CNTNAP2: variants seen among roughly 807,000 people sequenced by gnomAD.
CNTNAP2 encodes contactin-associated protein-like 2.
Under a neutral mutation model 155.2 loss-of-function variants are expected in CNTNAP2, and 98 were observed. That is an observed-to-expected ratio of 0.63 (90% CI 0.54 to 0.75). CNTNAP2 has a LOEUF of 0.75. CNTNAP2 is among the 30% of genes least tolerant of loss of function. The pLI, the probability that CNTNAP2 is intolerant of heterozygous loss-of-function variation, is 0.00. For synonymous variants in CNTNAP2, 651 were observed against 631.2 expected, an observed-to-expected ratio of 1.03 and a Z score of -0.47; for missense variants, 1,727 against 1,688.1, an observed-to-expected ratio of 1.02 and a Z score of -0.40.
chr7:147,549,404 C>A (rs1199433707), intron 11 of CNTNAP2, among the ~76,000 whole-genome samples: 1 of 152,056 alleles, frequency 6.6e-6, no homozygotes, highest in Non-Finnish European at 1.5e-5. Context: ...CTCTGCTTAC[C>A]TATTGTTGGT....
intron 3 of CNTNAP2, among the ~76,000 whole-genome samples, chr7:146,991,718 C>A (rs1202603187): frequency 6.6e-6 from 1 of 152,012 alleles, no homozygotes; most frequent in Non-Finnish European, 1.5e-5. Context: ...CTCGTGGAAA[C>A]AATTGGGCAC....
rs981877642 is a variant in CNTNAP2, at chr7:148,208,120, G to A, written c.3011-9168G>A. 3.0e-4 allele frequency among the ~76,000 whole-genome samples: 45 copies of A among 151,376 alleles called. 1 individual carries two copies. The highest frequency in any genetic ancestry group is 2.4e-3 in the Admixed American group (37 of 15,192). ...AAAAAAAAAAGAGGTCATCACAGGT[G>A]CCAAAGTGAAACCCAAGTGCCTGAA... On this transcript the variant is annotated intron_variant, in intron 18 of 23. Transcript: ENST00000361727.
chr7:146,324,522 A>C (rs73463995), intron 1 of CNTNAP2, among the ~76,000 whole-genome samples: 6,383 of 152,248 alleles, frequency 0.042, 433 homozygotes, highest in African/African-American at 0.14. Context: ...TAGACGTAGT[A>C]GAAATACTTA....
chr7:147,727,441 G>C (rs960765579), intron 13 of CNTNAP2, among the ~76,000 whole-genome samples: 6 of 151,970 alleles, frequency 3.9e-5, no homozygotes, highest in Non-Finnish European at 8.8e-5. Flanking sequence ...TTAACTATCA[G>C]TTGTATAATT....
chr7:146,614,868 A>G (rs1404866863), intron 1 of CNTNAP2, among the ~76,000 whole-genome samples: 1 of 152,172 alleles, frequency 6.6e-6, no homozygotes, highest in Non-Finnish European at 1.5e-5. Flanking sequence ...TGGATACAAA[A>G]GTGGATTATT....
chr7:146,143,689 C>A (rs1028148040), intron 1 of CNTNAP2, among the ~76,000 whole-genome samples: 10 of 152,086 alleles, frequency 6.6e-5, no homozygotes, highest in African/African-American at 2.4e-4. Flanking sequence ...CTGAAATAAT[C>A]TGTGTAATGA....
chr7:147,977,706 T>C (rs191370217), intron 14 of CNTNAP2, among the ~76,000 whole-genome samples, 156 bp from the exon 15 acceptor site: 8 of 152,298 alleles, frequency 5.3e-5, no homozygotes, highest in African/African-American at 1.4e-4. Flanking sequence ...AGACCACCTA[T>C]GGAAGAGAGA....
At chr7:147,390,268 A>G (rs1350227197) in intron 9 of CNTNAP2, among the ~76,000 whole-genome samples, 1 of 152,126 alleles carries the variant, frequency 6.6e-6, no homozygotes, top group Non-Finnish European at 1.5e-5. Flanking sequence ...CTAATTATTA[A>G]AACTGATTTG....
chr7:148,257,465 G>T (rs374288951), intron 20 of CNTNAP2, among the ~76,000 whole-genome samples: 123 of 152,230 alleles, frequency 8.1e-4, no homozygotes, highest in African/African-American at 2.5e-3. Flanking sequence ...TTTATGAGTA[G>T]CTCAACCAAA....
intron 1 of CNTNAP2, among the ~76,000 whole-genome samples, chr7:146,324,425 T>C (rs1040694372): frequency 6.6e-6 from 1 of 152,186 alleles, no homozygotes; most frequent in African/African-American, 2.4e-5. Context: ...GGTGGTAGTT[T>C]TGCTGTGTGA....
chr7:146,934,777 T>C (rs761057096), intron 3 of CNTNAP2, among the ~76,000 whole-genome samples: 25 of 152,174 alleles, frequency 1.6e-4, no homozygotes, highest in Non-Finnish European at 3.1e-4. Context: ...AGAGGGGACT[T>C]ACATTAAATA....
intron 22 of CNTNAP2, among the ~76,000 whole-genome samples, chr7:148,401,041 T>A (rs774944442): frequency 6.6e-5 from 10 of 152,094 alleles, no homozygotes; most frequent in Middle Eastern, 3.4e-3. Flanking sequence ...GAAAAAAATA[T>A]CTGTACGTGT....
chr7:147,923,503 C>T (rs989797161), intron 14 of CNTNAP2, among the ~76,000 whole-genome samples: 4 of 152,002 alleles, frequency 2.6e-5, no homozygotes, highest in Admixed American at 6.6e-5. Context: ...CCCTTCTCTC[C>T]GTTTAAATTT....
chr7:146,787,596 A>C (rs1343120540), intron 2 of CNTNAP2, among the ~76,000 whole-genome samples: 2 of 152,116 alleles, frequency 1.3e-5, no homozygotes, highest in African/African-American at 4.8e-5. Context: ...CACGGACACA[A>C]AGAGTGAGCA....
At chr7:146,681,088 G>C (rs890022985) in intron 1 of CNTNAP2, among the ~76,000 whole-genome samples, 1 of 151,982 alleles carries the variant, frequency 6.6e-6, no homozygotes, top group South Asian at 2.1e-4. Context: ...AGTGTCAACA[G>C]AGTGCTATGG....
chr7:146,141,196 G>T (rs775437801), intron 1 of CNTNAP2, among the ~76,000 whole-genome samples: 8 of 152,242 alleles, frequency 5.3e-5, no homozygotes, highest in African/African-American at 1.7e-4. Context: ...TGGCACAAAG[G>T]GCACCTGTGT....
chr7:146,750,750 T>C (rs971337148), intron 1 of CNTNAP2, among the ~76,000 whole-genome samples: 1 of 152,172 alleles, frequency 6.6e-6, no homozygotes, highest in African/African-American at 2.4e-5. Context: ...ATATAGTGAT[T>C]GTATCTTTTC....
chr7:147,206,233 G>C (rs1469705564), intron 8 of CNTNAP2, among the ~76,000 whole-genome samples: 2 of 149,752 alleles, frequency 1.3e-5, no homozygotes, highest in Non-Finnish European at 3.0e-5. Context: ...CTTTAAAGAA[G>C]TATGCTTAGA....
intron 3 of CNTNAP2, among the ~76,000 whole-genome samples, chr7:146,964,966 AC>A (rs1418611538): frequency 9.2e-5 from 13 of 140,618 alleles, no homozygotes; most frequent in Admixed American, 2.1e-4. Flanking sequence ...TATAAAAAAA[AC>A]AAAACAAAAC....
Sources: gnomAD v4.1 joint callset for allele counts (sites outside exome capture counted in the v4.1 genomes callset) on GRCh38, gnomAD v4.1.1 for gene constraint, MANE v1.5 for transcripts, NCBI Gene and HGNC (gene_info 2026-07-23, HGNC 2026-07-21) for gene names.